Variants in ZNF337 observed in about 807,000 individuals in gnomAD.
ZNF337 encodes the protein zinc finger protein 337.
Under a neutral mutation model 12.1 loss-of-function variants are expected in ZNF337, and 8 were observed. The observed-to-expected ratio is 0.66, with a 90% CI of 0.39 to 1.19. ZNF337 has a LOEUF of 1.19. Among genes scored for constraint, ZNF337 ranks in the 50% most tolerant of loss-of-function variants. The pLI is 0.01. For synonymous variants in ZNF337, 336 were observed against 320.0 expected, an observed-to-expected ratio of 1.05 and a Z score of -0.53; for missense variants, 882 against 896.6, an observed-to-expected ratio of 0.98 and a Z score of 0.21.
Position 25,675,700 on chromosome 20 carries a change from T to A in ZNF337, c.1588A>T (p.Asn530Tyr), listed in dbSNP as rs376292767. ...TGTGTCCTCTGATGTATGGTGAGAT[T>A]TGGCTTCAAGGTAAAGCCTCGCCCA... The part of the protein sequence containing the change: ...DCGRGFTLKP[N>Y]LTIHQRTHSG... The change falls in exon 5 of 5, where the codon AAT becomes TAT. Residue 530 changes from asparagine (N) to tyrosine (Y), a missense_variant. By Grantham distance (143) the Asn-to-Tyr change is moderately radical. Coordinates refer to ENST00000252979, the MANE Select transcript of ZNF337 (RefSeq NM_015655.4). 3 of 1,613,494 alleles carry A rather than the reference T, an allele frequency of 1.9e-6. No homozygotes were observed. The highest frequency in any genetic ancestry group is 2.5e-6 in the Non-Finnish European group (3 of 1,179,796).
At chr20:25,679,182 A>C (rs1232057279) in intron 4 of ZNF337, among the ~76,000 whole-genome samples, 1 of 152,218 alleles carries the variant, frequency 6.6e-6, no homozygotes, top group Non-Finnish European at 1.5e-5. Context: ...TAGATTAAAG[A>C]CTTAAACATG....
intron 1 of ZNF337, 142 bp downstream of exon 1, chr20:25,696,617 C>G: frequency 5.7e-6 from 3 of 523,322 alleles, no homozygotes; most frequent in Non-Finnish European, 7.4e-6. Context: ...GTCTCCGCCC[C>G]TCCCCAGAAC....
Position 25,691,221 on chromosome 20 carries a change from G to A in ZNF337, c.-49-4755C>T, listed in dbSNP as rs189106813. Among the ~76,000 whole-genome samples the A allele has an allele frequency of 1.3e-3, 203 of 152,176 alleles. 2 individuals carry two copies. Among genetic ancestry groups the A allele is most frequent in the East Asian group, 2.1e-3 (11 of 5,186 alleles). ...TTTAACGGCAGATGAGCAGGCAGAA[G>A]AAATAATCAGTAAACATAAAGAGAA... On this transcript the variant is annotated intron_variant, in intron 1 of 4. Transcript: ENST00000252979.
chr20:25,690,669 C>G (rs920478438), intron 1 of ZNF337, among the ~76,000 whole-genome samples: 1 of 152,138 alleles, frequency 6.6e-6, no homozygotes, highest in African/African-American at 2.4e-5. Context: ...AGACATACAA[C>G]AGACCATCAA....
intron 4 of ZNF337, among the ~76,000 whole-genome samples, chr20:25,678,594 C>A (rs2065733526): frequency 6.6e-6 from 1 of 151,932 alleles, no homozygotes; most frequent in Non-Finnish European, 1.5e-5. Flanking sequence ...CATCATACTA[C>A]CTCACTTCAA....
intron 2 of ZNF337, 24 bp from the exon 3 acceptor site, chr20:25,686,146 C>T: frequency 6.2e-7 from 1 of 1,613,622 alleles, no homozygotes; most frequent in Admixed American, 1.7e-5. Context: ...CCCAGGCATG[C>T]TCACCAGGGA....
intron 3 of ZNF337, 117 bp from the exon 4 acceptor site, chr20:25,685,779 A>C (rs1600444936): frequency 8.6e-7 from 1 of 1,165,738 alleles, no homozygotes; most frequent in East Asian, 2.3e-5. Flanking sequence ...GCTCAGGAGG[A>C]CCCTGTCTAC....
rs574616074 is a variant in ZNF337, at chr20:25,696,780, G to C, written c.-71C>G. On this transcript the variant is annotated 5_prime_UTR_variant, in exon 1 of 5. Coordinates refer to ENST00000252979, the MANE Select transcript of ZNF337 (RefSeq NM_015655.4). ...TCACCGGGGCGGCTGAGGGCGAACC[G>C]AGGCGGTGAGGTCACCGATGGTGGA... The C allele has an allele frequency of 1.0e-5, 10 of 985,528 alleles. No homozygotes were observed. The South Asian group carries it at 2.8e-4, about 28-fold the overall frequency. The allele number at this position is 985,528 out of a possible 1,614,324, so 61.0% of individuals were successfully genotyped here. A position where few individuals can be genotyped will look rare whatever the true frequency, so the allele number is the denominator to read the frequency against.
At chr20:25,689,520 T>G (rs2122454289) in intron 1 of ZNF337, among the ~76,000 whole-genome samples, 1 of 152,330 alleles carries the variant, frequency 6.6e-6, no homozygotes, top group South Asian at 2.1e-4. Context: ...AAATGTTCTG[T>G]ATCTTGATTG....
chr20:25,696,275 C>G (rs1332711867), intron 1 of ZNF337, among the ~76,000 whole-genome samples: 2 of 152,122 alleles, frequency 1.3e-5, no homozygotes, highest in Non-Finnish European at 2.9e-5. Context: ...TCTGGAGCAT[C>G]AGAGTCGGAG....
intron 4 of ZNF337, chr20:25,678,208 A>G (rs572093383): frequency 6.6e-6 from 1 of 152,370 alleles, no homozygotes; most frequent in South Asian, 2.1e-4. Context: ...ACAATATGAA[A>G]TCAGAAAAAA....
intron 1 of ZNF337, among the ~76,000 whole-genome samples, chr20:25,694,173 C>T (rs2065902665): frequency 6.6e-6 from 1 of 152,146 alleles, no homozygotes; most frequent in Admixed American, 6.5e-5. Flanking sequence ...GGGACGGTTC[C>T]AGGCGTGGCA....
intron 1 of ZNF337, among the ~76,000 whole-genome samples, chr20:25,696,087 T>TC (rs149644721): frequency 0.033 from 1,721 of 51,946 alleles, 141 homozygotes; most frequent in South Asian, 0.036. Context: ...CCCACGCAGA[T>TC]CCCCCCCCCC....
chr20:25,691,335 A>G (rs1272155727), intron 1 of ZNF337, among the ~76,000 whole-genome samples: 2 of 152,250 alleles, frequency 1.3e-5, no homozygotes, highest in Admixed American at 6.5e-5. Context: ...TTAACTGGAC[A>G]TATATATGGG....
intron 4 of ZNF337, among the ~76,000 whole-genome samples, chr20:25,681,972 AG>A (rs1379842143): frequency 1.3e-5 from 2 of 152,240 alleles, no homozygotes; most frequent in Admixed American, 1.3e-4. Context: ...CGGAGCACAA[AG>A]CTAAATGCTG....
intron 1 of ZNF337, among the ~76,000 whole-genome samples, chr20:25,691,175 T>C (rs946279927): frequency 7.2e-5 from 11 of 151,954 alleles, no homozygotes; most frequent in Non-Finnish European, 1.2e-4. Context: ...AACACAGTAA[T>C]TGAAAAATTC....
chr20:25,675,648 T>C lies in ZNF337; in HGVS notation c.1640A>G (p.Lys547Arg). 6.2e-7 allele frequency: 1 copy of C among 1,613,758 alleles called. No individual in the cohort carries two copies. Among genetic ancestry groups the C allele is most frequent in the Non-Finnish European group, 8.5e-7 (1 of 1,179,932 alleles). Residue 547 changes from lysine (K) to arginine (R), a missense_variant, in exon 5 of 5, where the codon AAG becomes AGG. Lys to Arg is a conservative substitution (Grantham distance 26, BLOSUM62 2). Coordinates refer to ENST00000252979, the MANE Select transcript of ZNF337 (RefSeq NM_015655.4). ...CAAACTAAAACTTTTCTCACACTGC[T>C]TGCACATGAAGGGCTTCTCTCCTGA... ...THSGEKPFMCKQCEKSFSLKA... is the reference protein window; with the variant it reads ...THSGEKPFMCRQCEKSFSLKA...
At chr20:25,688,101 A>C (rs904601986) in intron 1 of ZNF337, among the ~76,000 whole-genome samples, 1 of 152,240 alleles carries the variant, frequency 6.6e-6, no homozygotes, top group Non-Finnish European at 1.5e-5. Context: ...ACTTACATAA[A>C]TAGTTTACCT....
rs750029590 is a variant in ZNF337 at position 25,676,741 on chromosome 20, C to T, written c.547G>A (p.Ala183Thr). The T allele has an allele frequency of 1.2e-6, 2 of 1,614,224 alleles. No individual in the cohort carries two copies. The highest frequency in any genetic ancestry group is 3.3e-5 in the Admixed American group (2 of 60,034). Residue 183 changes from alanine (A) to threonine (T), a missense_variant, in exon 5 of 5, where the codon GCA becomes ACA. Coordinates refer to ENST00000252979, the MANE Select transcript of ZNF337 (RefSeq NM_015655.4). ...CGGCTGAAGTCTTGCCCACGCTCTGCACACTTGAATGCTCCCCATCTTGAA... is the reference window on the plus strand; with the variant it reads ...CGGCTGAAGTCTTGCCCACGCTCTGTACACTTGAATGCTCCCCATCTTGAA... ...ENSRWGAFKC[A>T]ERGQDFSRKM...
Sources: gnomAD v4.1 joint callset for allele counts (sites outside exome capture counted in the v4.1 genomes callset) on GRCh38, gnomAD v4.1.1 for gene constraint, MANE v1.5 for transcripts, NCBI Gene and HGNC (gene_info 2026-07-23, HGNC 2026-07-21) for gene names.